RBMS1: variants seen among roughly 807,000 people sequenced by gnomAD.
The protein encoded by RBMS1 is RNA binding motif single stranded interacting protein 1, also known as RNA-binding motif, single-stranded-interacting protein 1.
A neutral mutation model predicts 62.3 loss-of-function variants in RBMS1; 17 were observed. The observed-to-expected ratio is 0.27, with a 90% CI of 0.19 to 0.41. The LOEUF (loss-of-function observed/expected upper bound fraction) is 0.41, where lower values mean the gene tolerates loss of function less well. Ranked by LOEUF, RBMS1 falls within the 10% of genes least tolerant of loss-of-function variation. The pLI, the probability that RBMS1 is intolerant of heterozygous loss-of-function variation, is 1.00. For missense variants in RBMS1, 334 were observed against 504.5 expected, an observed-to-expected ratio of 0.66 and a Z score of 3.24; for synonymous variants, 172 against 170.0, an observed-to-expected ratio of 1.01 and a Z score of -0.09.
intron 1 of RBMS1, among the ~76,000 whole-genome samples, chr2:160,381,490 C>T (rs527752965): frequency 1.1e-4 from 17 of 152,176 alleles, no homozygotes; most frequent in Non-Finnish European, 2.4e-4. Flanking sequence ...TTTTTGGCAT[C>T]AAGCTAAATG....
chr2:160,338,478 G>A (rs562150750), intron 2 of RBMS1, among the ~76,000 whole-genome samples: 2 of 152,020 alleles, frequency 1.3e-5, no homozygotes, highest in East Asian at 1.9e-4. Flanking sequence ...ACATTCTATT[G>A]TCTATCTAAA....
intron 2 of RBMS1, among the ~76,000 whole-genome samples, chr2:160,356,228 A>G (rs1455369341): frequency 6.6e-6 from 1 of 152,150 alleles, no homozygotes; most frequent in African/African-American, 2.4e-5. Context: ...TCATATGACC[A>G]GCTATGCTAA....
At chr2:160,451,600 GT>G (rs1302375441) in intron 1 of RBMS1, among the ~76,000 whole-genome samples, 2 of 151,960 alleles carry the variant, frequency 1.3e-5, no homozygotes, top group Non-Finnish European at 2.9e-5. Flanking sequence ...ATGCAGCACT[GT>G]TTTTATTATT....
At chr2:160,413,893 T>C (rs1468121559) in intron 1 of RBMS1, among the ~76,000 whole-genome samples, 1 of 152,216 alleles carries the variant, frequency 6.6e-6, no homozygotes, top group African/African-American at 2.4e-5. Context: ...TGGGGTTTGA[T>C]CTTGGGTCTC....
intron 1 of RBMS1, among the ~76,000 whole-genome samples, chr2:160,376,405 T>G (rs1425182428): frequency 6.6e-6 from 1 of 152,180 alleles, no homozygotes; most frequent in Non-Finnish European, 1.5e-5. Context: ...TAATAATAAC[T>G]TAAAAACATA....
intron 3 of RBMS1, among the ~76,000 whole-genome samples, chr2:160,314,779 T>A (rs937703747): frequency 6.6e-6 from 1 of 152,048 alleles, no homozygotes; most frequent in African/African-American, 2.4e-5. Context: ...AAGGAAGAGG[T>A]TGATCTAGGT....
chr2:160,388,779 G>T (rs904517716), intron 1 of RBMS1, among the ~76,000 whole-genome samples: 3 of 152,196 alleles, frequency 2.0e-5, no homozygotes, highest in African/African-American at 7.2e-5. Flanking sequence ...CCTGCGATGC[G>T]AGAGGTTTTC....
At chr2:160,338,324 A>G (rs956252569) in intron 2 of RBMS1, among the ~76,000 whole-genome samples, 3 of 152,208 alleles carry the variant, frequency 2.0e-5, no homozygotes, top group Non-Finnish European at 4.4e-5. Context: ...TATGTAATAC[A>G]TGATTCTGGG....
chr2:160,303,394 G>C lies in RBMS1; in HGVS notation c.496C>G (p.Gln166Glu), dbSNP rs1378524825. ...ELENMLKPFG[Q>E]VISTRILRDS... ...CGTAGTATCCTTGTAGAAATAACTT[G>C]TCCAAATGGTTTGAGCATATTTTCT... is the stretch of plus-strand genomic sequence containing the variant. Residue 166 changes from glutamine (Q) to glutamate (E), a missense_variant, in exon 5 of 14, where the codon CAA becomes GAA. Coordinates refer to ENST00000348849, the MANE Select transcript of RBMS1 (RefSeq NM_016836.4). The C allele has an allele frequency of 6.2e-7, 1 of 1,613,482 alleles. No homozygotes were observed. Among genetic ancestry groups the C allele is most frequent in the Non-Finnish European group, 8.5e-7 (1 of 1,179,754 alleles).
At chr2:160,346,155 C>A (rs1692162279) in intron 2 of RBMS1, among the ~76,000 whole-genome samples, 1 of 151,964 alleles carries the variant, frequency 6.6e-6, no homozygotes, top group African/African-American at 2.4e-5. Context: ...AGAGCTTTGG[C>A]TCTTGACCTC....
Position 160,403,235 on chromosome 2 carries a change from T to C in RBMS1, c.76-35844A>G, listed in dbSNP as rs143601721. Among the ~76,000 whole-genome samples the C allele has an allele frequency of 7.1e-4, 108 of 152,310 alleles. 1 individual carries two copies. The highest frequency in any genetic ancestry group is 2.4e-3 in the African/African-American group (100 of 41,574). On this transcript the variant is annotated intron_variant, in intron 1 of 13. Coordinates refer to ENST00000348849, the MANE Select transcript of RBMS1 (RefSeq NM_016836.4). ...CATAACATAAAAATGGGCCAATACC[T>C]TACTTATACATACCAATTTACCTTT...
At chr2:160,364,105 G>C (rs987548771) in intron 2 of RBMS1, among the ~76,000 whole-genome samples, 1 of 152,136 alleles carries the variant, frequency 6.6e-6, no homozygotes, top group Non-Finnish European at 1.5e-5. Flanking sequence ...ATGACAAATA[G>C]ACCACACAGA....
At position 160,344,513 on chromosome 2, in the gene RBMS1, G is replaced by A. The variant is rs147646172; in HGVS notation, c.251+22703C>T. 5.3e-5 allele frequency among the ~76,000 whole-genome samples: 8 copies of A among 152,058 alleles called. No homozygotes were observed. In the East Asian group the frequency reaches 1.5e-3, roughly 29 times the overall value. On this transcript the variant is annotated intron_variant, in intron 2 of 13. Transcript: ENST00000348849. Reference sequence around the variant, plus strand: ...TTCTAGAAGTTGTTTCATTCTTAATGAACACTTTAGTCTACGACTCCAACA... The same window carrying A: ...TTCTAGAAGTTGTTTCATTCTTAATAAACACTTTAGTCTACGACTCCAACA...
intron 4 of RBMS1, among the ~76,000 whole-genome samples, chr2:160,310,599 C>T (rs1045626525): frequency 1.8e-4 from 28 of 152,132 alleles, no homozygotes; most frequent in Non-Finnish European, 4.0e-4. Flanking sequence ...ACAGTGGCTG[C>T]AGAAGTCGTG....
At chr2:160,449,828 C>G (rs1683886376) in intron 1 of RBMS1, among the ~76,000 whole-genome samples, 1 of 70,382 alleles carries the variant, frequency 1.4e-5, no homozygotes, top group Non-Finnish European at 3.3e-5. Context: ...TCAATAAATA[C>G]TAAAAAAAAA....
At chr2:160,414,846 CA>C (rs11404886) in intron 1 of RBMS1, among the ~76,000 whole-genome samples, 33,388 of 127,868 alleles carry the variant, frequency 0.26, 4,187 homozygotes, top group African/African-American at 0.4. Context: ...GACCCTGTCT[CA>C]AAAAAAAAAA....
intron 1 of RBMS1, among the ~76,000 whole-genome samples, chr2:160,386,516 G>T (rs1694585836): frequency 6.7e-6 from 1 of 149,106 alleles, no homozygotes. Flanking sequence ...ACTCCAGCCT[G>T]GGAGACAGAG....
At chr2:160,281,244 GT>G in intron 10 of RBMS1, 69 bp downstream of exon 10, 1 of 1,273,164 alleles carries the variant, frequency 7.9e-7, no homozygotes, top group Non-Finnish European at 1.1e-6. Context: ...TTGGCAAATG[GT>G]TTTAACCTAG....
intron 1 of RBMS1, among the ~76,000 whole-genome samples, chr2:160,398,754 A>G (rs1483269805): frequency 6.6e-6 from 1 of 152,212 alleles, no homozygotes; most frequent in African/African-American, 2.4e-5. Context: ...ACTGAGCCCC[A>G]GAGCAAAAAA....
Sources: allele counts gnomAD v4.1 joint callset (sites outside exome capture counted in the v4.1 genomes callset), GRCh38; gene constraint gnomAD v4.1.1; transcripts MANE v1.5; gene names NCBI Gene and HGNC (gene_info 2026-07-23, HGNC 2026-07-21).